Variants in HUWE1 observed in about 807,000 individuals in gnomAD.
HUWE1 encodes the protein HECT, UBA and WWE domain containing E3 ubiquitin protein ligase 1.
HUWE1 carries 18 observed loss-of-function variants against 299.4 expected under a neutral mutation model. The observed-to-expected ratio is 0.06, with a 90% CI of 0.04 to 0.09. HUWE1 has a LOEUF of 0.09. Ranked by LOEUF, HUWE1 falls within the 10% of genes least tolerant of loss-of-function variation. The pLI, the probability that HUWE1 is intolerant of heterozygous loss-of-function variation, is 1.00. For missense variants in HUWE1, 1,832 were observed against 3,462.3 expected (o/e 0.53, Z 11.82); for synonymous variants, 1,317 against 1,286.1 (o/e 1.02, Z -0.51).
At chrX:53,641,382 T>C (rs2067579795) in intron 7 of HUWE1, among the ~76,000 whole-genome samples, 1 of 112,229 alleles carries the variant, frequency 8.9e-6, no homozygotes, top group Non-Finnish European at 1.9e-5. Context: ...TCTCAGTTGA[T>C]GCTATTAACA....
Position 53,647,656 on chromosome X carries a change from A to G in HUWE1, c.145-82T>C, listed in dbSNP as rs113581586. On this transcript the variant is annotated intron_variant, in intron 5 of 83. Transcript: ENST00000262854. ...CTTTCTAACTGAGCTTTGTTACAAG[A>G]GATTGCTGAGCATGACACCTAGACA... is the stretch of plus-strand genomic sequence containing the variant. 2.4e-5 allele frequency: 17 copies of G among 716,115 alleles called. No homozygotes were observed. In the South Asian group the frequency reaches 3.4e-4, roughly 14 times the overall value. The allele number at this position is 716,115 out of a possible 1,213,427, so 59.0% of individuals were successfully genotyped here. A position where few individuals can be genotyped will look rare whatever the true frequency, so the allele number is the denominator to read the frequency against.
chrX:53,536,069 G>C (rs1176882390), intron 80 of HUWE1, 78 bp downstream of exon 80: 6 of 620,483 alleles, frequency 9.7e-6, no homozygotes, highest in South Asian at 2.3e-5. Context: ...AGGTCACGCA[G>C]TGCTAGTTCT....
chrX:53,589,440 C>A, intron 36 of HUWE1, 107 bp downstream of exon 36: 1 of 717,135 alleles, frequency 1.4e-6, no homozygotes, highest in Admixed American at 2.2e-5. Flanking sequence ...GAGAATATAC[C>A]CATATCAGGT....
In HUWE1 at chrX:53,545,026, C is replaced by T. The variant is rs782803882; in HGVS notation, c.11048+3G>A. On this transcript the variant is annotated splice_donor_region_variant and intron_variant, in intron 71 of 83. Coordinates refer to ENST00000262854, the MANE Select transcript of HUWE1 (RefSeq NM_031407.7). ...CCCCAGCCAAAGGGTGGCTACCACCCACCTGCTCTGCATTTTGCCCTTCAG... is the reference window on the plus strand; with the variant it reads ...CCCCAGCCAAAGGGTGGCTACCACCTACCTGCTCTGCATTTTGCCCTTCAG... 8 of 1,210,801 alleles carry T rather than the reference C, an allele frequency of 6.6e-6. No homozygotes were observed. In the South Asian group the frequency reaches 1.4e-4, roughly 21 times the overall value.
At chrX:53,591,367 G>C (rs959598540) in intron 33 of HUWE1, among the ~76,000 whole-genome samples, 23 of 111,130 alleles carry the variant, frequency 2.1e-4, no homozygotes, top group Non-Finnish European at 4.1e-4. Context: ...GAAAGTTAGG[G>C]GGGGATGCAT....
intron 3 of HUWE1, among the ~76,000 whole-genome samples, chrX:53,658,759 C>G (rs782125833): frequency 8.9e-6 from 1 of 112,303 alleles, no homozygotes; most frequent in Non-Finnish European, 1.9e-5. Context: ...CTGTAAAAGA[C>G]ACTGTCAAAA....
At chrX:53,578,538 TCAGCCCCCCGCCCGGC>T (rs1284641532) in intron 43 of HUWE1, among the ~76,000 whole-genome samples, 2 of 54,498 alleles carry the variant, frequency 3.7e-5, no homozygotes, top group African/African-American at 1.5e-4. Context: ...AGGTGGGGGG[TCAGCCCCCCGCCCGGC>T]CAGCCGCCCC....
At chrX:53,601,354 G>C (rs1431626380) in intron 28 of HUWE1, among the ~76,000 whole-genome samples, 1 of 108,565 alleles carries the variant, frequency 9.2e-6, no homozygotes, top group African/African-American at 3.4e-5. Context: ...GCTAATTTTT[G>C]TATTTTTTTT....
chrX:53,549,606 G>A, intron 66 of HUWE1, 101 bp from the exon 67 acceptor site: 3 of 739,714 alleles, frequency 4.1e-6, no homozygotes, highest in Admixed American at 2.6e-5. Context: ...TCTCCAAGGA[G>A]GCTTGAGAAA....
Position 53,547,934 on chromosome X carries a change from G to A in HUWE1, c.10375C>T (p.Leu3459Phe). The change falls in exon 68 of 84, where the codon CTC becomes TTC. Residue 3459 changes from leucine (L) to phenylalanine (F), a missense_variant. By Grantham distance (22) the Leu-to-Phe change is conservative. Coordinates refer to ENST00000262854, the MANE Select transcript of HUWE1 (RefSeq NM_031407.7). ...TTTTCTGGGAGAGCAATTGAGATGA[G>A]AGAAAGGAGTCTGAGGAGTTTCTCA... ...LTEKLLRLLS[L>F]ISIALPENKV... The A allele has an allele frequency of 8.3e-7, 1 of 1,211,240 alleles. No homozygotes were observed. Among genetic ancestry groups the A allele is most frequent in the Non-Finnish European group, 1.1e-6 (1 of 895,314 alleles).
chrX:53,610,544 A>C (rs782257767), intron 23 of HUWE1, among the ~76,000 whole-genome samples: 1 of 111,041 alleles, frequency 9.0e-6, no homozygotes, highest in African/African-American at 3.3e-5. Flanking sequence ...ACATTCCCAA[A>C]CTCTGGTCAA....
At chrX:53,614,275 A>G (rs782469740) in intron 23 of HUWE1, among the ~76,000 whole-genome samples, 145 of 111,347 alleles carry the variant, frequency 1.3e-3, no homozygotes, top group Non-Finnish European at 1.9e-3. Flanking sequence ...CAAAAAAATC[A>G]ATAAAAATTA....
At chrX:53,663,966 CAT>C (rs1175050649) in intron 3 of HUWE1, among the ~76,000 whole-genome samples, 2 of 111,063 alleles carry the variant, frequency 1.8e-5, no homozygotes, top group African/African-American at 6.6e-5. Flanking sequence ...CAGGGTAACA[CAT>C]AGTTTTATTT....
intron 2 of HUWE1, chrX:53,684,146 C>T (rs368484901): frequency 2.0e-5 from 5 of 254,938 alleles, no homozygotes; most frequent in South Asian, 2.5e-4. Context: ...TGACGCACAA[C>T]CTAACGAAGC....
chrX:53,609,222 G>A (rs1025307465), intron 23 of HUWE1, among the ~76,000 whole-genome samples: 3 of 111,264 alleles, frequency 2.7e-5, no homozygotes, highest in Admixed American at 1.9e-4. Context: ...GCATAAAGGG[G>A]ACAACCAAGC....
At chrX:53,631,922 T>C (rs2066903738) in intron 9 of HUWE1, 10 of 345,951 alleles carry the variant, frequency 2.9e-5, no homozygotes, top group Admixed American at 9.3e-5. Context: ...GCAGTATTAA[T>C]AGCAAAGACC....
At chrX:53,550,027 T>C (rs782802103) in intron 66 of HUWE1, among the ~76,000 whole-genome samples, 8 of 110,983 alleles carry the variant, frequency 7.2e-5, no homozygotes, top group Non-Finnish European at 1.5e-4. Context: ...GCTGGGATTA[T>C]AGGTGTGAGC....
rs368169688 is a variant in HUWE1 at position 53,545,175 on chromosome X, G to A, written c.10916-14C>T. 28 of 1,207,066 alleles carry A rather than the reference G, an allele frequency of 2.3e-5. No homozygotes were observed. The African/African-American group carries it at 4.7e-4, about 20-fold the overall frequency. On this transcript the variant is annotated splice_polypyrimidine_tract_variant and intron_variant, in intron 70 of 83. Transcript: ENST00000262854. ...CCAGCAGGGTACCTGAGCAGGCAGA[G>A]GAGTCAGCAAGTGTTCAGAGACTCC...
At chrX:53,630,818 A>T in intron 12 of HUWE1, 117 bp downstream of exon 12, 1 of 510,240 alleles carries the variant, frequency 2.0e-6, no homozygotes, top group Non-Finnish European at 3.5e-6. Flanking sequence ...GGAAGTATTT[A>T]AGTTGCTACC....
Sources: allele counts gnomAD v4.1 joint callset (sites outside exome capture counted in the v4.1 genomes callset), GRCh38; gene constraint gnomAD v4.1.1; transcripts MANE v1.5; gene names NCBI Gene and HGNC (gene_info 2026-07-23, HGNC 2026-07-21).